The following CDH12 variants were observed in gnomAD, a reference collection of about 807,000 sequenced individuals.
The protein encoded by CDH12 is cadherin-12.
A neutral mutation model predicts 74.1 loss-of-function variants in CDH12; 41 were observed. The ratio of observed to expected loss-of-function variants is 0.55; its 90% CI spans 0.43 to 0.72. The LOEUF is 0.72. CDH12 is among the 30% of genes least tolerant of loss of function. CDH12 has a pLI of 0.00. For missense variants in CDH12, 945 were observed against 977.2 expected (o/e 0.97, Z 0.44); for synonymous variants, 399 against 355.0 (o/e 1.12, Z -1.39).
chr5:22,784,707 A>G (rs1341036467), intron 1 of CDH12, among the ~76,000 whole-genome samples: 1 of 151,990 alleles, frequency 6.6e-6, no homozygotes, highest in Admixed American at 6.6e-5. Flanking sequence ...CCATTATTGT[A>G]TTTTCCTGCT....
chr5:21,830,183 C>G (rs2149965360), intron 8 of CDH12, among the ~76,000 whole-genome samples: 1 of 93,348 alleles, frequency 1.1e-5, no homozygotes. Context: ...TGGGTGACAA[C>G]AGTGAAACTC....
chr5:22,299,217 A>G (rs1487832724), intron 3 of CDH12, among the ~76,000 whole-genome samples: 1 of 152,140 alleles, frequency 6.6e-6, no homozygotes, highest in East Asian at 1.9e-4. Flanking sequence ...AAGGAACCCA[A>G]TGTAGTTAGA....
intron 1 of CDH12, among the ~76,000 whole-genome samples, chr5:22,819,081 CAG>C (rs1317202921): frequency 6.6e-6 from 1 of 152,014 alleles, no homozygotes; most frequent in Non-Finnish European, 1.5e-5. Context: ...AAAAATGAAT[CAG>C]TGTGTTGGAG....
At chr5:21,795,043 G>T (rs1275717761) in intron 10 of CDH12, among the ~76,000 whole-genome samples, 1 of 151,534 alleles carries the variant, frequency 6.6e-6, no homozygotes, top group Non-Finnish European at 1.5e-5. Flanking sequence ...TAAGATAAAA[G>T]AGTTCATCTT....
In CDH12 at chr5:22,038,224, C is replaced by T. The variant is rs115494374; in HGVS notation, c.231+40222G>A. ...CCCTTCCATCCTTGAGGTTTCACTACAGCAGAACCACCTCTGCCTGGTGGC... is the reference window on the plus strand; with the variant it reads ...CCCTTCCATCCTTGAGGTTTCACTATAGCAGAACCACCTCTGCCTGGTGGC... On this transcript the variant is annotated intron_variant, in intron 5 of 14. Coordinates refer to ENST00000382254, the MANE Select transcript of CDH12 (RefSeq NM_004061.5). Among the ~76,000 whole-genome samples the T allele has an allele frequency of 3.9e-3, 601 of 152,284 alleles. 9 individuals carry two copies. The highest frequency in any genetic ancestry group is 0.014 in the African/African-American group (567 of 41,556).
At chr5:22,823,362 A>C (rs1419545253) in intron 1 of CDH12, among the ~76,000 whole-genome samples, 1 of 152,120 alleles carries the variant, frequency 6.6e-6, no homozygotes, top group Non-Finnish European at 1.5e-5. Flanking sequence ...GTGCACATCT[A>C]TCCTAAAACT....
At chr5:22,173,961 C>A (rs901863314) in intron 4 of CDH12, among the ~76,000 whole-genome samples, 10 of 151,938 alleles carry the variant, frequency 6.6e-5, no homozygotes, top group African/African-American at 2.4e-4. Context: ...GGCCAGGAAT[C>A]ACTTTTGGTT....
intron 1 of CDH12, among the ~76,000 whole-genome samples, chr5:22,831,892 G>GT (rs1459848916): frequency 6.6e-6 from 1 of 151,582 alleles, no homozygotes; most frequent in Non-Finnish European, 1.5e-5. Flanking sequence ...GCAAGACTCT[G>GT]TCCCCCCCAA....
intron 9 of CDH12, among the ~76,000 whole-genome samples, chr5:21,803,472 T>C (rs1747252663): frequency 6.6e-6 from 1 of 152,124 alleles, no homozygotes; most frequent in Admixed American, 6.6e-5. Flanking sequence ...AAACATAATA[T>C]AGAAAGTCAT....
At chr5:21,936,503 T>C (rs1755080363) in intron 6 of CDH12, among the ~76,000 whole-genome samples, 2 of 152,328 alleles carry the variant, frequency 1.3e-5, no homozygotes, top group South Asian at 2.1e-4. Flanking sequence ...AGAAAGTTTA[T>C]GCCTCTTAAG....
chr5:22,218,467 A>G (rs936895917), intron 3 of CDH12, among the ~76,000 whole-genome samples: 1 of 151,788 alleles, frequency 6.6e-6, no homozygotes, highest in Non-Finnish European at 1.5e-5. Flanking sequence ...ATATAAAACA[A>G]GCCAGAAACA....
chr5:21,813,475 C>T (rs1022799400), intron 9 of CDH12, among the ~76,000 whole-genome samples: 3 of 151,904 alleles, frequency 2.0e-5, no homozygotes, highest in East Asian at 3.9e-4. Flanking sequence ...AGCAAAACTC[C>T]ATATCAAAAT....
chr5:22,380,336 T>C (rs1261372), intron 3 of CDH12, among the ~76,000 whole-genome samples: 63,566 of 152,002 alleles, frequency 0.42, 14,622 homozygotes, highest in Non-Finnish European at 0.52. Context: ...AATTTCTTTG[T>C]CCCTTTTAAA....
At chr5:22,479,092 A>G (rs189646814) in intron 2 of CDH12, among the ~76,000 whole-genome samples, 20 of 152,324 alleles carry the variant, frequency 1.3e-4, no homozygotes, top group Non-Finnish European at 2.8e-4. Context: ...CATATTTCAG[A>G]TATCAGGGCC....
At chr5:21,859,398 T>G (rs1001988291) in intron 6 of CDH12, among the ~76,000 whole-genome samples, 1 of 151,838 alleles carries the variant, frequency 6.6e-6, no homozygotes, top group Non-Finnish European at 1.5e-5. Context: ...CTCACTATCA[T>G]GAGAACAGCA....
chr5:22,523,989 T>A (rs1018394439), intron 1 of CDH12, among the ~76,000 whole-genome samples: 89 of 150,696 alleles, frequency 5.9e-4, no homozygotes, highest in Middle Eastern at 3.4e-3. Context: ...TTATTTTTTT[T>A]TTTTTTTTTT....
At chr5:22,397,535 A>G (rs1389320980) in intron 3 of CDH12, among the ~76,000 whole-genome samples, 1 of 150,968 alleles carries the variant, frequency 6.6e-6, no homozygotes, top group African/African-American at 2.4e-5. Flanking sequence ...GAAGTTGTCC[A>G]GCAGCAGATG....
chr5:22,615,100 C>A (rs1737627761), intron 1 of CDH12, among the ~76,000 whole-genome samples: 1 of 152,038 alleles, frequency 6.6e-6, no homozygotes. Context: ...CCATGGGTAA[C>A]AAACTACAGA....
intron 5 of CDH12, among the ~76,000 whole-genome samples, chr5:21,980,702 G>GA (rs1580061734): frequency 6.6e-6 from 1 of 151,924 alleles, no homozygotes; most frequent in East Asian, 1.9e-4. Flanking sequence ...TGAGATCTTG[G>GA]AAAAAAATCA....
Sources: allele counts gnomAD v4.1 joint callset (sites outside exome capture counted in the v4.1 genomes callset), GRCh38; gene constraint gnomAD v4.1.1; transcripts MANE v1.5; gene names NCBI Gene and HGNC (gene_info 2026-07-23, HGNC 2026-07-21).